The following PRKN variants were observed in gnomAD, a reference collection of about 807,000 sequenced individuals.
The protein encoded by PRKN is E3 ubiquitin-protein ligase parkin.
PRKN carries 56 observed loss-of-function variants against 59.5 expected under a neutral mutation model. That is an observed-to-expected ratio of 0.94 (90% CI 0.76 to 1.18). PRKN has a LOEUF of 1.18. Among genes scored for constraint, PRKN ranks in the 50% most tolerant of loss-of-function variants. PRKN has a pLI of 0.00. For missense variants in PRKN, 657 were observed against 596.4 expected (o/e 1.10, Z -1.06); for synonymous variants, 250 against 222.1 (o/e 1.13, Z -1.12).
At chr6:162,170,218 T>G in intron 4 of PRKN, among the ~76,000 whole-genome samples, 1 of 152,188 alleles carries the variant, frequency 6.6e-6, no homozygotes, top group East Asian at 1.9e-4. Flanking sequence ...CATTAGTTAT[T>G]TATTTATATC....
chr6:162,356,722 C>G (rs1562697547), intron 2 of PRKN, among the ~76,000 whole-genome samples: 1 of 115,464 alleles, frequency 8.7e-6, no homozygotes, highest in Non-Finnish European at 1.7e-5. Context: ...ACTATAATGT[C>G]ACAGTAATAA....
rs920265563 is a variant in PRKN, at chr6:161,360,042, C to A, written c.1285+46G>T. The A allele has an allele frequency of 2.8e-5, 39 of 1,385,114 alleles. No individual in the cohort carries two copies. Among genetic ancestry groups the A allele is most frequent in the Non-Finnish European group, 3.9e-5 (38 of 971,236 alleles). The allele number at this position is 1,385,114 out of a possible 1,614,324, so 85.8% of individuals were successfully genotyped here. The stretch of plus-strand genomic sequence containing the variant: ...AATCCCTGATGGGTATGATTCTCCC[C>A]CAAAGAGCACACGACATCCTCATTC... On this transcript the variant is annotated intron_variant, in intron 11 of 11. Transcript: ENST00000366898. This position sits in a 1 kb window ranked among gnomAD's most constrained non-coding sequence, Gnocchi z 5.1.
chr6:162,691,372 C>A (rs572894006), intron 1 of PRKN, among the ~76,000 whole-genome samples: 148 of 152,214 alleles, frequency 9.7e-4, no homozygotes, highest in African/African-American at 3.0e-3. Context: ...GAGACAGCTA[C>A]ATAACATGCT....
chr6:162,664,389 A>C (rs1779016917), intron 1 of PRKN, among the ~76,000 whole-genome samples: 1 of 152,188 alleles, frequency 6.6e-6, no homozygotes, highest in South Asian at 2.1e-4. Flanking sequence ...AATGATTTAT[A>C]TTCCTTTGGG....
chr6:162,186,815 G>A (rs149261584), intron 4 of PRKN, among the ~76,000 whole-genome samples: 127 of 152,280 alleles, frequency 8.3e-4, no homozygotes, highest in Admixed American at 5.6e-3. Flanking sequence ...TGCCTTCTGC[G>A]GTGACTGGAA....
At chr6:162,444,680 T>C (rs935242726) in intron 1 of PRKN, among the ~76,000 whole-genome samples, 1 of 152,124 alleles carries the variant, frequency 6.6e-6, no homozygotes, top group African/African-American at 2.4e-5. Context: ...ACCAGTGGCA[T>C]TTACTATATA....
intron 5 of PRKN, among the ~76,000 whole-genome samples, chr6:162,012,276 C>G (rs978843445): frequency 6.6e-6 from 1 of 152,064 alleles, no homozygotes; most frequent in African/African-American, 2.4e-5. Flanking sequence ...CCAGCCTCCT[C>G]AAATACTGGT....
intron 7 of PRKN, among the ~76,000 whole-genome samples, chr6:161,655,284 C>T (rs1172118974): frequency 6.7e-6 from 1 of 150,208 alleles, no homozygotes; most frequent in African/African-American, 2.5e-5. Flanking sequence ...ATGGGCCTGG[C>T]CCCTCATCAC....
chr6:162,561,257 G>A (rs9364662), intron 1 of PRKN, among the ~76,000 whole-genome samples: 46,702 of 151,982 alleles, frequency 0.31, 7,629 homozygotes, highest in East Asian at 0.49. Flanking sequence ...TCAAGCACAG[G>A]AATGCCATGG....
chr6:161,474,384 T>C (rs1244749207), intron 9 of PRKN, among the ~76,000 whole-genome samples: 1 of 152,162 alleles, frequency 6.6e-6, no homozygotes, highest in African/African-American at 2.4e-5. Flanking sequence ...CAGGAGTCCG[T>C]GGAGCTTGTG....
rs927880612 is a variant in PRKN, at chr6:162,436,964, C to T, written c.171+6346G>A. Among the ~76,000 whole-genome samples, 15 of 152,040 alleles carry T rather than the reference C, an allele frequency of 9.9e-5. No homozygotes were observed. In the East Asian group the frequency reaches 1.4e-3, roughly 14 times the overall value. On this transcript the variant is annotated intron_variant, in intron 2 of 11. Transcript: ENST00000366898. ...AAAATGAGCCAGGCGTGGTAGCGGG[C>T]GCCTGTAATCCCAGCTACTCGGGAG...
At chr6:162,538,995 T>C (rs770518797) in intron 1 of PRKN, among the ~76,000 whole-genome samples, 1 of 152,202 alleles carries the variant, frequency 6.6e-6, no homozygotes, top group Non-Finnish European at 1.5e-5. Context: ...GGGCCCACAA[T>C]GTGGCGGCCT....
chr6:162,329,466 T>C lies in PRKN; in HGVS notation c.172-66701A>G, dbSNP rs1009196518. Among the ~76,000 whole-genome samples the C allele has an allele frequency of 2.2e-4, 33 of 152,138 alleles. 1 individual carries two copies. The highest frequency in any genetic ancestry group is 2.0e-3 in the Admixed American group (31 of 15,272). On this transcript the variant is annotated intron_variant, in intron 2 of 11. Coordinates refer to ENST00000366898, the MANE Select transcript of PRKN (RefSeq NM_004562.3). ...AACAACCGTTGCAGCAGTACCGGGT[T>C]GGAAGGGACTCCGTAAGCAAGTTCC...
rs187311028 is a variant in PRKN, at chr6:162,211,609, C to T, written c.413-10357G>A. 2.1e-3 allele frequency among the ~76,000 whole-genome samples: 319 copies of T among 152,208 alleles called. 1 individual carries two copies. Among genetic ancestry groups the T allele is most frequent in the African/African-American group, 6.9e-3 (288 of 41,544 alleles). On this transcript the variant is annotated intron_variant, in intron 3 of 11. Transcript: ENST00000366898. ...AATGGCATTAATTAAGAGAGTAGAG[C>T]AACACGGTGTGAGCCTCCAAACTCC...
intron 9 of PRKN, among the ~76,000 whole-genome samples, chr6:161,519,003 A>G (rs140909538): frequency 1.3e-5 from 2 of 152,320 alleles, no homozygotes; most frequent in East Asian, 3.9e-4. Flanking sequence ...AAACTCCTCG[A>G]GACTTCAGAC....
In PRKN at chr6:162,629,250, T is replaced by C. The variant is rs578256965; in HGVS notation, c.7+98412A>G. Among the ~76,000 whole-genome samples, 340 of 151,434 alleles carry C rather than the reference T, an allele frequency of 2.2e-3. 1 individual carries two copies. Among genetic ancestry groups the C allele is most frequent in the African/African-American group, 7.4e-3 (309 of 41,544 alleles). On this transcript the variant is annotated intron_variant, in intron 1 of 11. Transcript: ENST00000366898. Reference sequence around the variant, plus strand: ...CATAAATCTAAGTTTCAATGCTGAGTTAATTAAGGAAAGTCCAATTTTATA... The same window carrying C: ...CATAAATCTAAGTTTCAATGCTGAGCTAATTAAGGAAAGTCCAATTTTATA...
intron 7 of PRKN, among the ~76,000 whole-genome samples, chr6:161,624,367 A>G (rs955350615): frequency 6.6e-6 from 1 of 152,244 alleles, no homozygotes; most frequent in Non-Finnish European, 1.5e-5. Flanking sequence ...AAGAATCCCT[A>G]CTGTACTTAA....
At chr6:161,893,631 C>T (rs1777499451) in intron 6 of PRKN, among the ~76,000 whole-genome samples, 2 of 152,130 alleles carry the variant, frequency 1.3e-5, no homozygotes, top group African/African-American at 2.4e-5. Context: ...TCAGTAGTAT[C>T]CACCTCAGAA....
At chr6:161,971,882 A>C (rs1780822765) in intron 6 of PRKN, among the ~76,000 whole-genome samples, 1 of 152,232 alleles carries the variant, frequency 6.6e-6, no homozygotes, top group Admixed American at 6.5e-5. Context: ...GAGAGACAAC[A>C]CTTAAAATGA....
Sources: gnomAD v4.1 joint callset for allele counts (sites outside exome capture counted in the v4.1 genomes callset) on GRCh38, gnomAD v4.1.1 for gene constraint, Gnocchi (gnomAD v3.1) non-coding constraint, MANE v1.5 for transcripts, NCBI Gene and HGNC (gene_info 2026-07-23, HGNC 2026-07-21) for gene names.